Variants in CBL observed in about 807,000 individuals in gnomAD.
CBL encodes the protein Cbl proto-oncogene, also known as E3 ubiquitin-protein ligase CBL.
A neutral mutation model predicts 96.9 loss-of-function variants in CBL; 45 were observed. That is an observed-to-expected ratio of 0.46 (90% CI 0.37 to 0.60). CBL has a LOEUF of 0.60. Among genes scored for constraint, CBL ranks in the 20% least tolerant of loss-of-function variants. The pLI is 0.00. For synonymous variants in CBL, 420 were observed against 426.8 expected (o/e 0.98, Z 0.20); for missense variants, 1,024 against 1,143.5 (o/e 0.90, Z 1.51).
intron 2 of CBL, among the ~76,000 whole-genome samples, chr11:119,256,197 T>C (rs1015778930): frequency 6.6e-6 from 1 of 151,848 alleles, no homozygotes; most frequent in Non-Finnish European, 1.5e-5. Context: ...ACATTCTTTT[T>C]TTTTTTTTTT....
rs930336394 is a variant in CBL at position 119,306,550 on chromosome 11, G to T, written c.*6769G>T. 3 of 394,910 alleles carry T rather than the reference G, an allele frequency of 7.6e-6. No homozygotes were observed. Among genetic ancestry groups the T allele is most frequent in the African/African-American group, 4.1e-5 (2 of 48,558 alleles). The allele number at this position is 394,910 out of a possible 1,614,324, so 24.5% of individuals were successfully genotyped here. A position where few individuals can be genotyped will look rare whatever the true frequency, so the allele number is the denominator to read the frequency against. ...CTGAAGCAGGGTGTCCTGGGTGCCT[G>T]TGTGTCAGCTCCCTCCTCTCTACCT... On this transcript the variant is annotated 3_prime_UTR_variant, in exon 16 of 16. Coordinates refer to ENST00000264033, the MANE Select transcript of CBL (RefSeq NM_005188.4).
chr11:119,233,541 G>C (rs1949520608), intron 2 of CBL, among the ~76,000 whole-genome samples: 1 of 152,232 alleles, frequency 6.6e-6, no homozygotes, highest in African/African-American at 2.4e-5. Context: ...GCCCTCTTTT[G>C]TGTTAATTAA....
intron 1 of CBL, among the ~76,000 whole-genome samples, chr11:119,230,226 A>C (rs1949491063): frequency 6.6e-6 from 1 of 151,006 alleles, no homozygotes; most frequent in Admixed American, 6.6e-5. Context: ...ATCTCGGCTC[A>C]CTGCAAGCTC....
chr11:119,247,276 A>T (rs548456180), intron 2 of CBL, among the ~76,000 whole-genome samples: 168 of 152,338 alleles, frequency 1.1e-3, no homozygotes, highest in African/African-American at 3.7e-3. Flanking sequence ...AGCAGACAAG[A>T]TAGCCTACTT....
At chr11:119,262,881 C>G (rs1450797182) in intron 2 of CBL, among the ~76,000 whole-genome samples, 4 of 152,130 alleles carry the variant, frequency 2.6e-5, no homozygotes, top group Admixed American at 1.3e-4. Flanking sequence ...GATTTAGTAA[C>G]CGTAGTCATT....
At chr11:119,255,567 C>T (rs892236232) in intron 2 of CBL, among the ~76,000 whole-genome samples, 4 of 151,882 alleles carry the variant, frequency 2.6e-5, no homozygotes, top group African/African-American at 9.7e-5. Context: ...TACTATTTCT[C>T]TGGATTCTAG....
At chr11:119,275,094 T>C in intron 5 of CBL, 141 bp downstream of exon 5, 1 of 848,404 alleles carries the variant, frequency 1.2e-6, no homozygotes, top group East Asian at 2.6e-5. Context: ...TTATCAGACG[T>C]ATTGACTTAA....
chr11:119,241,694 T>A (rs1949587713), intron 2 of CBL, among the ~76,000 whole-genome samples: 1 of 152,202 alleles, frequency 6.6e-6, no homozygotes, highest in Non-Finnish European at 1.5e-5. Context: ...AGTTTAGATC[T>A]TTGTGTTCAG....
At chr11:119,276,666 A>G (rs1051882453) in intron 6 of CBL, among the ~76,000 whole-genome samples, 1 of 152,256 alleles carries the variant, frequency 6.6e-6, no homozygotes, top group African/African-American at 2.4e-5. Flanking sequence ...GTTGGTAAAC[A>G]CTTAAAAATA....
intron 2 of CBL, among the ~76,000 whole-genome samples, chr11:119,242,741 TAAAAAAAA>T (rs34339877): frequency 1.7e-5 from 2 of 117,946 alleles, no homozygotes; most frequent in East Asian, 4.7e-4. Flanking sequence ...CCTGACTCTT[TAAAAAAAA>T]AAAAAAAAAA....
At chr11:119,236,572 A>C (rs1421462543) in intron 2 of CBL, among the ~76,000 whole-genome samples, 1 of 146,438 alleles carries the variant, frequency 6.8e-6, no homozygotes, top group Non-Finnish European at 1.5e-5. Context: ...ACATATATAC[A>C]TATATGTTTT....
Position 119,300,357 on chromosome 11 carries a change from A to ACCG in CBL, c.*576_*577insCCG. ...GCTTATATTACCATGTGCATAGCTAAAGTCTTCTATTTTTAGAACACCTTC... is the reference window on the plus strand; with the variant it reads ...GCTTATATTACCATGTGCATAGCTAACCGAGTCTTCTATTTTTAGAACACCTTC... On this transcript the variant is annotated 3_prime_UTR_variant, in exon 16 of 16. Transcript: ENST00000264033. 2.5e-6 allele frequency: 1 copy of ACCG among 406,994 alleles called. No individual in the cohort carries two copies. The highest frequency in any genetic ancestry group is 4.0e-5 in the Admixed American group (1 of 24,758). 25.2% of individuals were successfully genotyped at this position (406,994 alleles called of 1,614,324 possible).
At chr11:119,245,956 C>CTTTTTTTTTTTTTT (rs71048054) in intron 2 of CBL, among the ~76,000 whole-genome samples, 2 of 54,284 alleles carry the variant, frequency 3.7e-5, no homozygotes, top group African/African-American at 1.3e-4. Context: ...CTTTGCAAAT[C>CTTTTTTTTTTTTTT]TTTTTTTTTT....
chr11:119,297,537 G>A, intron 14 of CBL, 56 bp downstream of exon 14: 2 of 1,300,648 alleles, frequency 1.5e-6, no homozygotes, highest in East Asian at 2.3e-5. Context: ...GAATGAACAT[G>A]TAATATTTGG....
chr11:119,229,722 T>G (rs1022540725), intron 1 of CBL, among the ~76,000 whole-genome samples: 2 of 144,548 alleles, frequency 1.4e-5, no homozygotes. Flanking sequence ...ATTTGAAGAG[T>G]TGTGTTTTGT....
chr11:119,265,072 G>T lies in CBL; in HGVS notation c.444-6663G>T, dbSNP rs531635904. Among the ~76,000 whole-genome samples, 14 of 148,516 alleles carry T rather than the reference G, an allele frequency of 9.4e-5. No homozygotes were observed. The East Asian group carries it at 1.7e-3, about 18-fold the overall frequency. ...TTTTGCATTTTTTGTATAGATGGGGGGTCTCACTATATTGCCCAGGCTGGT... is the reference window on the plus strand; with the variant it reads ...TTTTGCATTTTTTGTATAGATGGGGTGTCTCACTATATTGCCCAGGCTGGT... On this transcript the variant is annotated intron_variant, in intron 2 of 15. Transcript: ENST00000264033.
At chr11:119,275,016 G>C (rs1949877819) in intron 5 of CBL, 63 bp downstream of exon 5, 2 of 1,564,474 alleles carry the variant, frequency 1.3e-6, no homozygotes, top group Admixed American at 3.3e-5. Flanking sequence ...ACTTCTGCTA[G>C]TATAGAAGAA....
chr11:119,215,158 A>G (rs1182238098), intron 1 of CBL, among the ~76,000 whole-genome samples: 2 of 152,038 alleles, frequency 1.3e-5, no homozygotes, highest in African/African-American at 2.4e-5. Flanking sequence ...AGAAGATTGT[A>G]TGCTCTCTCC....
intron 2 of CBL, among the ~76,000 whole-genome samples, chr11:119,238,790 C>T (rs1277202319): frequency 6.6e-6 from 1 of 152,124 alleles, no homozygotes; most frequent in Non-Finnish European, 1.5e-5. Flanking sequence ...GAGATCAAGC[C>T]ACTGCACTCC....
Sources: allele counts gnomAD v4.1 joint callset (sites outside exome capture counted in the v4.1 genomes callset), GRCh38; gene constraint gnomAD v4.1.1; transcripts MANE v1.5; gene names NCBI Gene and HGNC (gene_info 2026-07-23, HGNC 2026-07-21).